Variants in DPP6 observed in about 807,000 individuals in gnomAD.
The protein encoded by DPP6 is dipeptidyl peptidase like 6, also known as A-type potassium channel modulatory protein DPP6.
In DPP6, 69 loss-of-function variants were observed where a neutral mutation model predicts 122.6. The observed-to-expected ratio is 0.56, with a 90% CI of 0.46 to 0.69. The LOEUF (loss-of-function observed/expected upper bound fraction) is 0.69, where lower values mean the gene tolerates loss of function less well. DPP6 is among the 30% of genes least tolerant of loss of function. DPP6 has a pLI of 0.00. For synonymous variants in DPP6, 418 were observed against 433.1 expected, an observed-to-expected ratio of 0.97 and a Z score of 0.43; for missense variants, 928 against 1,116.9, an observed-to-expected ratio of 0.83 and a Z score of 2.41.
intron 24 of DPP6, 43 bp downstream of exon 24, chr7:154,889,387 C>T: frequency 1.9e-6 from 3 of 1,609,326 alleles, no homozygotes; most frequent in Non-Finnish European, 2.5e-6. Context: ...CTAGTAAGAG[C>T]CTCCTCCTTG....
the DPP6 span, among the ~76,000 whole-genome samples, chr7:153,768,360 G>A: frequency 2.0e-5 from 3 of 152,140 alleles, no homozygotes; most frequent in South Asian, 6.3e-4. Flanking sequence ...ATCTCAGGAA[G>A]TGCATTTGTA....
chr7:154,060,341 C>G (rs867848731), intron 1 of DPP6, among the ~76,000 whole-genome samples: 82 of 113,882 alleles, frequency 7.2e-4, no homozygotes, highest in East Asian at 1.0e-3. Flanking sequence ...GGGGAGGCAC[C>G]CCCCGCGAGG....
intron 1 of DPP6, among the ~76,000 whole-genome samples, chr7:154,353,368 C>T (rs372115354): frequency 2.6e-5 from 4 of 152,080 alleles, no homozygotes; most frequent in East Asian, 1.9e-4. Flanking sequence ...TGCAAGCAGA[C>T]GTGCCCAGTA....
At chr7:154,861,959 G>C (rs1240502477) in intron 17 of DPP6, among the ~76,000 whole-genome samples, 5 of 152,132 alleles carry the variant, frequency 3.3e-5, no homozygotes, top group Non-Finnish European at 4.4e-5. Context: ...CCAAAACATT[G>C]TGGCCCATCC....
intron 1 of DPP6, among the ~76,000 whole-genome samples, chr7:154,111,682 A>G (rs1806592027): frequency 6.7e-6 from 1 of 149,012 alleles, no homozygotes; most frequent in Non-Finnish European, 1.5e-5. Context: ...AGCATGATTT[A>G]GTTGAAATTA....
At chr7:154,469,408 G>C (rs1822067365) in intron 2 of DPP6, among the ~76,000 whole-genome samples, 1 of 152,200 alleles carries the variant, frequency 6.6e-6, no homozygotes, top group Admixed American at 6.5e-5. Context: ...TTTGTAAAGA[G>C]AGAGAGTGTT....
the DPP6 span, among the ~76,000 whole-genome samples, chr7:153,867,192 A>C: frequency 6.6e-6 from 1 of 152,080 alleles, no homozygotes; most frequent in Non-Finnish European, 1.5e-5. Flanking sequence ...TGAAGAAAGT[A>C]ATTGGTAGCT....
chr7:154,884,397 A>T (rs1222940148), intron 21 of DPP6: 1 of 149,784 alleles, frequency 6.7e-6, no homozygotes, highest in Non-Finnish European at 1.5e-5. Flanking sequence ...ACACACACAC[A>T]TGCTCACACG....
chr7:154,341,546 A>G (rs1000711205), intron 1 of DPP6, among the ~76,000 whole-genome samples: 1 of 151,986 alleles, frequency 6.6e-6, no homozygotes, highest in Non-Finnish European at 1.5e-5. Context: ...AAGGAAAGAT[A>G]TAAGATTTTG....
intron 10 of DPP6, 70 bp from the exon 11 acceptor site, chr7:154,794,009 T>G: frequency 1.3e-6 from 2 of 1,551,556 alleles, no homozygotes; most frequent in East Asian, 2.3e-5. Flanking sequence ...AGGGCTGGGG[T>G]CGGCGGTCCC....
intron 1 of DPP6, among the ~76,000 whole-genome samples, chr7:154,061,870 C>G (rs1451238645): frequency 7.4e-6 from 1 of 135,080 alleles, no homozygotes; most frequent in Non-Finnish European, 1.6e-5. Flanking sequence ...CGGAGGCACC[C>G]CCCGCGAGGC....
chr7:154,573,402 C>T (rs1228431745), intron 5 of DPP6, among the ~76,000 whole-genome samples: 3 of 152,202 alleles, frequency 2.0e-5, no homozygotes, highest in South Asian at 2.1e-4. Context: ...AGGCGAGTCT[C>T]ACCTTCAGCA....
Position 154,703,229 on chromosome 7 carries a change from G to A in DPP6, c.763-24538G>A, listed in dbSNP as rs116131771. Reference sequence around the variant, plus strand: ...CAAGGACTCTGAAGGAGATGCACAAGGAGATAAATGTTGTTTCTATGCCTG... The same window carrying A: ...CAAGGACTCTGAAGGAGATGCACAAAGAGATAAATGTTGTTTCTATGCCTG... On this transcript the variant is annotated intron_variant, in intron 7 of 25. Transcript: ENST00000377770. Among the ~76,000 whole-genome samples, 1,224 of 152,324 alleles carry A rather than the reference G, an allele frequency of 8.0e-3. 12 individuals are homozygous for A. The highest frequency in any genetic ancestry group is 0.028 in the African/African-American group (1,158 of 41,558).
At chr7:154,251,939 A>T (rs977534210) in intron 1 of DPP6, among the ~76,000 whole-genome samples, 3 of 152,178 alleles carry the variant, frequency 2.0e-5, no homozygotes, top group Non-Finnish European at 2.9e-5. Flanking sequence ...AATACTTTGC[A>T]TCCTTCATTC....
intron 1 of DPP6, among the ~76,000 whole-genome samples, chr7:154,137,213 G>A (rs1389429045): frequency 6.6e-6 from 1 of 152,160 alleles, no homozygotes; most frequent in Non-Finnish European, 1.5e-5. Flanking sequence ...AGCCACATCT[G>A]CCTCTGGCGT....
intron 1 of DPP6, among the ~76,000 whole-genome samples, chr7:153,970,409 T>G (rs115276907): frequency 0.054 from 8,282 of 152,232 alleles, 726 homozygotes; most frequent in African/African-American, 0.19. Flanking sequence ...TAAATGTTTT[T>G]CAGATAGCTT....
intron 8 of DPP6, among the ~76,000 whole-genome samples, chr7:154,736,242 A>G (rs1410187592): frequency 6.6e-6 from 1 of 152,246 alleles, no homozygotes; most frequent in Non-Finnish European, 1.5e-5. Context: ...ACGTTAGCAG[A>G]CATTGAGTCC....
chr7:154,381,023 C>A (rs1004816129), intron 1 of DPP6, among the ~76,000 whole-genome samples: 1 of 152,174 alleles, frequency 6.6e-6, no homozygotes, highest in Admixed American at 6.5e-5. Flanking sequence ...TCTCAGTGTG[C>A]AGGCCTCTAG....
At chr7:154,828,080 A>G (rs377377866) in intron 16 of DPP6, among the ~76,000 whole-genome samples, 25 of 152,106 alleles carry the variant, frequency 1.6e-4, no homozygotes, top group African/African-American at 5.8e-4. Flanking sequence ...GACTATTTGC[A>G]GAACTCGAAT....
Sources: gnomAD v4.1 joint callset for allele counts (sites outside exome capture counted in the v4.1 genomes callset) on GRCh38, gnomAD v4.1.1 for gene constraint, MANE v1.5 for transcripts, NCBI Gene and HGNC (gene_info 2026-07-23, HGNC 2026-07-21) for gene names.